ANXA4: variants seen among roughly 807,000 people sequenced by gnomAD.
ANXA4 encodes 35-beta calcimedin.
A neutral mutation model predicts 49.8 loss-of-function variants in ANXA4; 39 were observed. The observed-to-expected ratio is 0.78, with a 90% CI of 0.61 to 1.02. The LOEUF is 1.02. Among genes scored for constraint, ANXA4 ranks in the 50% least tolerant of loss-of-function variants. ANXA4 has a pLI of 0.00. For missense variants in ANXA4, 360 were observed against 410.1 expected, an observed-to-expected ratio of 0.88 and a Z score of 1.05; for synonymous variants, 134 against 152.5, an observed-to-expected ratio of 0.88 and a Z score of 0.89.
At chr2:69,723,983 G>A (rs1172415584) in intron 3 of ANXA4, among the ~76,000 whole-genome samples, 1 of 152,252 alleles carries the variant, frequency 6.6e-6, no homozygotes, top group Non-Finnish European at 1.5e-5. Flanking sequence ...GGCCGGGCGC[G>A]GTGGCGCACG....
At chr2:69,669,612 A>AG (rs1273304511) in intron 2 of ANXA4, among the ~76,000 whole-genome samples, 3 of 148,850 alleles carry the variant, frequency 2.0e-5, no homozygotes, top group African/African-American at 7.3e-5. Flanking sequence ...CTCCATCTCA[A>AG]AAAAAAAAAA....
At chr2:69,651,597 G>A (rs1265274618) in intron 1 of ANXA4, among the ~76,000 whole-genome samples, 1 of 151,780 alleles carries the variant, frequency 6.6e-6, no homozygotes, top group Non-Finnish European at 1.5e-5. Context: ...CCGCCTCCCG[G>A]GTTCACGCCA....
chr2:69,814,733 G>GAC (rs1433732753), intron 8 of ANXA4: 1 of 154,240 alleles, frequency 6.5e-6, no homozygotes, highest in African/African-American at 2.4e-5. Flanking sequence ...GAGCGAGAGA[G>GAC]ACACAGAGGG....
At chr2:69,781,140 T>G (rs2103662123) in intron 1 of ANXA4, 1 of 199,812 alleles carries the variant, frequency 5.0e-6, no homozygotes, top group Non-Finnish European at 1.0e-5. Flanking sequence ...TTTCCTCTGA[T>G]GCAGTTGGAT....
At chr2:69,708,210 T>C (rs145826004) in intron 2 of ANXA4, among the ~76,000 whole-genome samples, 66 of 152,328 alleles carry the variant, frequency 4.3e-4, no homozygotes, top group Middle Eastern at 3.4e-3. Flanking sequence ...TGAGTCCCAC[T>C]TGGGCCCACA....
chr2:69,648,820 CAAAAAAAAAA>C (rs372749631), intron 1 of ANXA4, among the ~76,000 whole-genome samples: 1 of 44,928 alleles, frequency 2.2e-5, no homozygotes, highest in Non-Finnish European at 4.5e-5. Flanking sequence ...GACTCAGTCT[CAAAAAAAAAA>C]AAAAAAAAAA....
chr2:69,718,764 TACAC>T (rs546519324), intron 2 of ANXA4, among the ~76,000 whole-genome samples: 2,205 of 146,436 alleles, frequency 0.015, 54 homozygotes, highest in African/African-American at 0.053. Flanking sequence ...TACACACACA[TACAC>T]ACACATTCAC....
chr2:69,746,547 C>T (rs937088166), intron 1 of ANXA4, among the ~76,000 whole-genome samples: 1 of 152,034 alleles, frequency 6.6e-6, no homozygotes, highest in Non-Finnish European at 1.5e-5. Context: ...TTGGTTTTAT[C>T]GGGAGTAATT....
rs10590162 is a variant in ANXA4, at chr2:69,691,573, GCACACACA to G, written n.767-29182_767-29175del. Among the ~76,000 whole-genome samples the G allele has an allele frequency of 7.0e-3, 1,049 of 149,936 alleles. 21 individuals are homozygous for G. Among genetic ancestry groups the G allele is most frequent in the Admixed American group, 0.01 (152 of 15,058 alleles). ...AGTGATTTCACACACACACACACAT[GCACACACA>G]CACACACACACACACACAGACGCAT... On this transcript the variant is annotated intron_variant and non_coding_transcript_variant, in intron 2 of 3. Transcript: ENST00000418066.
At chr2:69,825,429 A>G in intron 12 of ANXA4, 27 bp from the exon 13 acceptor site, 1 of 1,584,730 alleles carries the variant, frequency 6.3e-7, no homozygotes, top group Non-Finnish European at 8.6e-7. Flanking sequence ...AAATCTATTT[A>G]TCTAACTTTG....
Position 69,810,651 on chromosome 2 carries a change from G to A in ANXA4, c.455G>A (p.Arg152Gln), listed in dbSNP as rs144937233. The A allele has an allele frequency of 3.1e-5, 50 of 1,613,936 alleles. No individual in the cohort carries two copies. In the Middle Eastern group the frequency reaches 5.0e-4, roughly 16 times the overall value. ...TCTGACACATCGTTCATGTTCCAGC[G>A]AGTGCTGGTGTCTCTGTCAGCTGTG... The part of the protein sequence containing the change: ...IRSDTSFMFQ[R>Q]VLVSLSAGGR... The change falls in exon 7 of 13, where the codon CGA (arginine) becomes CAA (glutamine). Residue 152 changes from arginine to glutamine, a missense_variant. By Grantham distance (43) the Arg-to-Gln change is conservative (BLOSUM62 1). Coordinates refer to ENST00000394295, the MANE Select transcript of ANXA4 (RefSeq NM_001153.5).
At chr2:69,686,998 G>A (rs187691231) in intron 2 of ANXA4, among the ~76,000 whole-genome samples, 1 of 152,348 alleles carries the variant, frequency 6.6e-6, no homozygotes, top group Admixed American at 6.5e-5. Flanking sequence ...AGCAGAGGAT[G>A]GCAGAGAACC....
At position 69,810,954 on chromosome 2, in the gene ANXA4, C is replaced by A. The variant is rs546581288; in HGVS notation, c.477+281C>A. On this transcript the variant is annotated intron_variant, in intron 7 of 12. Coordinates refer to ENST00000394295, the MANE Select transcript of ANXA4 (RefSeq NM_001153.5). Reference sequence around the variant, plus strand: ...TTATGAAGATGATTCAGAGGCAGTTCCTGGGCCTTAAGAGTATATATTGTC... The same window carrying A: ...TTATGAAGATGATTCAGAGGCAGTTACTGGGCCTTAAGAGTATATATTGTC... 1.3e-3 allele frequency: 539 copies of A among 427,456 alleles called. 1 individual carries two copies. The highest frequency in any genetic ancestry group is 2.3e-3 in the South Asian group (74 of 32,624). 26.5% of individuals were successfully genotyped at this position (427,456 alleles called of 1,614,324 possible).
intron 2 of ANXA4, among the ~76,000 whole-genome samples, chr2:69,782,509 A>T (rs6717068): frequency 0.19 from 28,657 of 151,668 alleles, 3,088 homozygotes; most frequent in East Asian, 0.34. Flanking sequence ...AATTTTTTTA[A>T]AAATATTTAC....
chr2:69,718,850 A>G (rs151292180), intron 2 of ANXA4, among the ~76,000 whole-genome samples: 6 of 152,060 alleles, frequency 3.9e-5, no homozygotes, highest in African/African-American at 1.2e-4. Flanking sequence ...GCACACACAT[A>G]CATGCATACA....
In ANXA4 at chr2:69,771,109, GAA is replaced by G. The variant is rs70954358; in HGVS notation, c.-46-10396_-46-10395del. On this transcript the variant is annotated intron_variant, in intron 1 of 12. Coordinates refer to ENST00000394295, the MANE Select transcript of ANXA4 (RefSeq NM_001153.5). ...ACCCTGTCTCCAAAAAAAAAAAAAA[GAA>G]AAAAAAAAAAAAAAGAAAGGAAAAA... Among the ~76,000 whole-genome samples, 248 of 104,748 alleles carry G rather than the reference GAA, an allele frequency of 2.4e-3. 2 individuals are homozygous for G. Among genetic ancestry groups the G allele is most frequent in the African/African-American group, 7.0e-3 (197 of 28,266 alleles). 68.7% of individuals were successfully genotyped at this position (104,748 alleles called of 152,430 possible).
chr2:69,751,478 A>C (rs1189490233), intron 1 of ANXA4, among the ~76,000 whole-genome samples: 1 of 148,716 alleles, frequency 6.7e-6, no homozygotes, highest in Non-Finnish European at 1.5e-5. Context: ...ACTGAACTCC[A>C]ACCTGGATGA....
intron 2 of ANXA4, among the ~76,000 whole-genome samples, chr2:69,781,882 GA>G (rs1193830206): frequency 2.0e-5 from 3 of 152,044 alleles, no homozygotes; most frequent in Admixed American, 6.6e-5. Flanking sequence ...ATTTAAAAAG[GA>G]AAAACTAAAA....
At chr2:69,647,803 C>T (rs1311322867) in intron 1 of ANXA4, among the ~76,000 whole-genome samples, 1 of 152,086 alleles carries the variant, frequency 6.6e-6, no homozygotes, top group Admixed American at 6.5e-5. Context: ...GTGATCCTCC[C>T]ACCTCAGCCT....
Sources: allele counts gnomAD v4.1 joint callset (sites outside exome capture counted in the v4.1 genomes callset), GRCh38; gene constraint gnomAD v4.1.1; transcripts MANE v1.5; gene names NCBI Gene and HGNC (gene_info 2026-07-23, HGNC 2026-07-21).